CYP4F22: variants seen among roughly 807,000 people sequenced by gnomAD.
CYP4F22 encodes the protein cytochrome P450 family 4 subfamily F member 22, also known as ultra-long-chain fatty acid omega-hydroxylase.
Under a neutral mutation model 60.4 loss-of-function variants are expected in CYP4F22, and 37 were observed. That is an observed-to-expected ratio of 0.61 (90% CI 0.47 to 0.81). The LOEUF (loss-of-function observed/expected upper bound fraction) is 0.81, where lower values mean the gene tolerates loss of function less well. CYP4F22 is among the 30% of genes least tolerant of loss of function. CYP4F22 has a pLI of 0.00. For synonymous variants in CYP4F22, 258 were observed against 280.5 expected, an observed-to-expected ratio of 0.92 and a Z score of 0.80; for missense variants, 655 against 715.0, an observed-to-expected ratio of 0.92 and a Z score of 0.96.
intron 6 of CYP4F22, 47 bp from the exon 7 acceptor site, chr19:15,537,825 C>T (rs1971415380): frequency 6.2e-7 from 1 of 1,612,344 alleles, no homozygotes; most frequent in Non-Finnish European, 8.5e-7. Context: ...TAGGCTGACT[C>T]CCTCTCTGTG....
chr19:15,530,945 C>A (rs1971336453), intron 4 of CYP4F22, among the ~76,000 whole-genome samples: 1 of 152,032 alleles, frequency 6.6e-6, no homozygotes, highest in African/African-American at 2.4e-5. Context: ...TCAAATGAAC[C>A]AATGAGCTCC....
At chr19:15,515,713 G>A (rs570821325) in intron 1 of CYP4F22, among the ~76,000 whole-genome samples, 5 of 151,680 alleles carry the variant, frequency 3.3e-5, no homozygotes, top group African/African-American at 1.2e-4. Flanking sequence ...GCAACAGAGC[G>A]AGACTCTGTC....
At chr19:15,510,966 A>ATATTTTTTTTTT (rs34055543) in intron 1 of CYP4F22, among the ~76,000 whole-genome samples, 21 of 103,306 alleles carry the variant, frequency 2.0e-4, no homozygotes, top group African/African-American at 9.2e-4. Context: ...ATATATATAT[A>ATATTTTTTTTTT]TTTTTTTTTT....
chr19:15,538,277 A>AT (rs967511933), intron 7 of CYP4F22, among the ~76,000 whole-genome samples: 1 of 151,956 alleles, frequency 6.6e-6, no homozygotes, highest in African/African-American at 2.4e-5. Context: ...AAATGTTAGT[A>AT]TTTTTTCATT....
chr19:15,531,359 G>A (rs1258632531), intron 4 of CYP4F22, among the ~76,000 whole-genome samples: 3 of 148,456 alleles, frequency 2.0e-5, no homozygotes, highest in Admixed American at 6.8e-5. Context: ...CTCCAGCCTG[G>A]GTGACAGAGC....
At chr19:15,531,411 C>T (rs1389405709) in intron 4 of CYP4F22, among the ~76,000 whole-genome samples, 1 of 149,760 alleles carries the variant, frequency 6.7e-6, no homozygotes, top group Admixed American at 6.7e-5. Context: ...TGGGAGATTC[C>T]AGGAATTTTA....
At position 15,550,689 on chromosome 19, in the gene CYP4F22, C is replaced by A. The variant is rs200581968; in HGVS notation, c.1351C>A (p.Arg451Ser). Residue 451 changes from arginine (R) to serine (S), a missense_variant, in exon 13 of 14, where the codon CGC becomes AGC. Transcript: ENST00000269703. ...WPDSKVYNPY[R>S]FDPDNPQQRS... The stretch of plus-strand genomic sequence containing the variant: ...TCCTCCCTAGGTGTACAACCCCTAC[C>A]GCTTTGACCCGGACAACCCACAGCA... 2.5e-6 allele frequency: 4 copies of A among 1,614,186 alleles called. No individual in the cohort carries two copies. In the Admixed American group the frequency reaches 6.7e-5, roughly 27 times the overall value.
chr19:15,532,496 T>G (rs1971354085), intron 4 of CYP4F22, among the ~76,000 whole-genome samples: 1 of 151,760 alleles, frequency 6.6e-6, no homozygotes, highest in Non-Finnish European at 1.5e-5. Context: ...TGTCTCAGCC[T>G]CCCGAGTAGC....
chr19:15,517,637 C>T (rs1224136783), intron 1 of CYP4F22, among the ~76,000 whole-genome samples: 2 of 152,182 alleles, frequency 1.3e-5, no homozygotes, highest in Admixed American at 6.5e-5. Context: ...TTCCTGGGTG[C>T]GAGTTGGGGG....
At chr19:15,535,769 C>T (rs1971388470) in intron 4 of CYP4F22, among the ~76,000 whole-genome samples, 2 of 152,202 alleles carry the variant, frequency 1.3e-5, no homozygotes, top group Admixed American at 1.3e-4. Flanking sequence ...CATCCATCCA[C>T]CCATTTATTC....
At chr19:15,548,511 G>T (rs1190903927) in intron 11 of CYP4F22, among the ~76,000 whole-genome samples, 2 of 152,168 alleles carry the variant, frequency 1.3e-5, no homozygotes, top group Non-Finnish European at 2.9e-5. Context: ...GTTTCATTCA[G>T]TTGCCAGTTA....
intron 1 of CYP4F22, chr19:15,515,223 C>T (rs1387877605): frequency 4.7e-6 from 3 of 633,526 alleles, no homozygotes; most frequent in South Asian, 4.4e-5. Context: ...TGCCCACATC[C>T]TTTACCCACC....
At chr19:15,508,996 G>A (rs2144487690) in intron 1 of CYP4F22, among the ~76,000 whole-genome samples, 1 of 152,216 alleles carries the variant, frequency 6.6e-6, no homozygotes, top group Non-Finnish European at 1.5e-5. Context: ...GATTCGCCCT[G>A]AGATTTCACC....
At chr19:15,528,721 C>T (rs377170196) in intron 3 of CYP4F22, among the ~76,000 whole-genome samples, 1 of 152,144 alleles carries the variant, frequency 6.6e-6, no homozygotes, top group East Asian at 1.9e-4. Flanking sequence ...AACCATTCGA[C>T]CTTGCTGAAC....
At chr19:15,538,037 G>T in intron 7 of CYP4F22, 44 bp downstream of exon 7, 1 of 1,612,720 alleles carries the variant, frequency 6.2e-7, no homozygotes, top group Non-Finnish European at 8.5e-7. Flanking sequence ...GCTGCTCTAG[G>T]AGCAAGATGG....
intron 1 of CYP4F22, among the ~76,000 whole-genome samples, chr19:15,510,867 C>T (rs1325418070): frequency 6.6e-6 from 1 of 150,788 alleles, no homozygotes; most frequent in Non-Finnish European, 1.5e-5. Flanking sequence ...GCCTGTAATC[C>T]CAGCACTTTG....
intron 3 of CYP4F22, among the ~76,000 whole-genome samples, chr19:15,528,290 A>C (rs1971304587): frequency 1.3e-5 from 2 of 152,104 alleles, no homozygotes; most frequent in Admixed American, 1.3e-4. Flanking sequence ...CAGTTTTTAC[A>C]AAAAAATTAA....
intron 1 of CYP4F22, among the ~76,000 whole-genome samples, chr19:15,517,161 A>ATT (rs60965318): frequency 6.6e-5 from 10 of 151,106 alleles, no homozygotes; most frequent in Admixed American, 4.0e-4. Flanking sequence ...TGGCTGCACT[A>ATT]TTTTTTTTTG....
In CYP4F22 at chr19:15,537,938, A is replaced by G; in HGVS notation, c.616A>G (p.Met206Val). 1 of 1,614,208 alleles carries G rather than the reference A, an allele frequency of 6.2e-7. No homozygotes were observed. ...SLDMFEHISLMTLDSLQKCVF... is the reference protein window; with the variant it reads ...SLDMFEHISLVTLDSLQKCVF... ...TGATATGTTTGAGCATATCAGCCTCATGACCCTGGACAGTCTTCAGAAATG... is the reference window on the plus strand; with the variant it reads ...TGATATGTTTGAGCATATCAGCCTCGTGACCCTGGACAGTCTTCAGAAATG... The change falls in exon 7 of 14, where the codon ATG becomes GTG. Residue 206 changes from methionine (M) to valine (V), a missense_variant. Met to Val is a conservative substitution (Grantham distance 21). This residue lies in a region of CYP4F22 where 430 missense variants were observed against 457.1 expected (regional missense o/e 0.94). Coordinates refer to ENST00000269703, the MANE Select transcript of CYP4F22 (RefSeq NM_173483.4).
Sources: allele counts gnomAD v4.1 joint callset (sites outside exome capture counted in the v4.1 genomes callset), GRCh38; gene constraint gnomAD v4.1.1; regional missense constraint gnomAD v4.1.1; transcripts MANE v1.5; gene names NCBI Gene and HGNC (gene_info 2026-07-23, HGNC 2026-07-21).